The following DTNB variants were observed in gnomAD, a reference collection of about 807,000 sequenced individuals.
DTNB encodes DTN-B.
Under a neutral mutation model 90.7 loss-of-function variants are expected in DTNB, and 63 were observed. That is an observed-to-expected ratio of 0.69 (90% confidence interval 0.57 to 0.86). DTNB has a LOEUF of 0.86. DTNB is among the 40% of genes least tolerant of loss of function. The pLI is 0.00. For missense variants in DTNB, 744 were observed against 807.1 expected (o/e 0.92, Z 0.95); for synonymous variants, 277 against 286.7 (o/e 0.97, Z 0.34).
intron 9 of DTNB, among the ~76,000 whole-genome samples, chr2:25,506,527 C>T (rs1234140428): frequency 6.6e-6 from 1 of 152,060 alleles, no homozygotes; most frequent in East Asian, 1.9e-4. Flanking sequence ...TCCCACCCTC[C>T]ACTCTCCAAC....
chr2:25,429,216 T>C (rs763954901), intron 14 of DTNB, among the ~76,000 whole-genome samples: 6 of 152,246 alleles, frequency 3.9e-5, no homozygotes, highest in Non-Finnish European at 8.8e-5. Context: ...GAAAGGACAA[T>C]ATTTTGAAAA....
intron 7 of DTNB, 113 bp downstream of exon 7, chr2:25,580,608 A>T: frequency 9.7e-7 from 1 of 1,029,270 alleles, no homozygotes; most frequent in Non-Finnish European, 1.5e-6. Flanking sequence ...TGACAGAATG[A>T]CAGCAAATGT....
intron 4 of DTNB, among the ~76,000 whole-genome samples, chr2:25,619,761 G>T (rs1301391160): frequency 6.6e-6 from 1 of 152,158 alleles, no homozygotes; most frequent in African/African-American, 2.4e-5. Context: ...TTGGGTTGAG[G>T]CCGGGTGCAG....
intron 10 of DTNB, among the ~76,000 whole-genome samples, chr2:25,476,812 G>A (rs1364757538): frequency 1.3e-5 from 2 of 152,216 alleles, no homozygotes; most frequent in Admixed American, 1.3e-4. Context: ...TCACTGAAAT[G>A]ACAAGGATTT....
At chr2:25,618,801 T>G (rs936041427) in intron 4 of DTNB, among the ~76,000 whole-genome samples, 8 of 152,176 alleles carry the variant, frequency 5.3e-5, no homozygotes. Flanking sequence ...TTCTCAGCCT[T>G]CTCTGCATGA....
At chr2:25,625,232 T>C (rs776914863) in intron 4 of DTNB, among the ~76,000 whole-genome samples, 5 of 152,208 alleles carry the variant, frequency 3.3e-5, no homozygotes, top group Non-Finnish European at 7.3e-5. Context: ...AGGTTGTCTA[T>C]GTATAAAAGG....
rs143174473 is a variant in DTNB at position 25,608,160 on chromosome 2, T to C, written c.363-839A>G. 4.4e-3 allele frequency among the ~76,000 whole-genome samples: 669 copies of C among 152,350 alleles called. 5 individuals carry two copies. Among genetic ancestry groups the C allele is most frequent in the African/African-American group, 0.015 (611 of 41,578 alleles). On this transcript the variant is annotated intron_variant, in intron 4 of 20. Transcript: ENST00000406818. ...GCTTTTTGTGTTAATTTTTAAAAGCTTGTGTTCACAATGTTTCATTGTAAC... is the reference window on the plus strand; with the variant it reads ...GCTTTTTGTGTTAATTTTTAAAAGCCTGTGTTCACAATGTTTCATTGTAAC...
chr2:25,500,050 T>C (rs2070138464), intron 9 of DTNB, among the ~76,000 whole-genome samples: 1 of 152,100 alleles, frequency 6.6e-6, no homozygotes. Flanking sequence ...TGCACCACCA[T>C]ATCCAGTTAA....
At chr2:25,543,296 T>G (rs1558963590) in intron 8 of DTNB, among the ~76,000 whole-genome samples, 1 of 147,432 alleles carries the variant, frequency 6.8e-6, no homozygotes, top group Non-Finnish European at 1.5e-5. Flanking sequence ...AGACAGGTTT[T>G]TTTTGTTTTG....
intron 8 of DTNB, among the ~76,000 whole-genome samples, chr2:25,565,122 C>A (rs1395803276): frequency 2.6e-5 from 4 of 152,192 alleles, no homozygotes; most frequent in Non-Finnish European, 5.9e-5. Flanking sequence ...AGTACCCTGG[C>A]TAGGACCTTC....
intron 9 of DTNB, among the ~76,000 whole-genome samples, chr2:25,494,084 TG>T (rs1203976837): frequency 6.6e-6 from 1 of 152,192 alleles, no homozygotes; most frequent in Non-Finnish European, 1.5e-5. Flanking sequence ...GGGGAGGTTG[TG>T]GGGGGAAGAC....
chr2:25,403,024 T>TTC (rs2044143109), intron 16 of DTNB, among the ~76,000 whole-genome samples: 1 of 152,224 alleles, frequency 6.6e-6, no homozygotes, highest in African/African-American at 2.4e-5. Context: ...AAGTAAACTT[T>TTC]TAGATAGAGA....
chr2:25,380,652 C>G (rs963625032), intron 19 of DTNB, among the ~76,000 whole-genome samples: 4 of 152,264 alleles, frequency 2.6e-5, no homozygotes, highest in Admixed American at 2.0e-4. Context: ...GAGATGCAGA[C>G]AGGGCAGTGC....
chr2:25,610,417 T>G (rs902178990), intron 4 of DTNB, among the ~76,000 whole-genome samples: 2 of 152,212 alleles, frequency 1.3e-5, no homozygotes, highest in African/African-American at 2.4e-5. Context: ...GTAAGTAATC[T>G]CTCTGGTTTT....
intron 8 of DTNB, among the ~76,000 whole-genome samples, chr2:25,533,718 T>C (rs2078729984): frequency 6.6e-6 from 1 of 152,270 alleles, no homozygotes; most frequent in African/African-American, 2.4e-5. Flanking sequence ...CTCTGTATCT[T>C]GGCATGTGCC....
intron 12 of DTNB, among the ~76,000 whole-genome samples, chr2:25,446,765 T>C (rs1274954829): frequency 6.6e-6 from 1 of 152,238 alleles, no homozygotes; most frequent in Non-Finnish European, 1.5e-5. Flanking sequence ...GATATATTCA[T>C]CTGAGAATGA....
chr2:25,444,100 AT>A (rs922211650), intron 12 of DTNB, among the ~76,000 whole-genome samples: 2 of 151,962 alleles, frequency 1.3e-5, no homozygotes, highest in Non-Finnish European at 2.9e-5. Flanking sequence ...TGAATTTTAA[AT>A]TTTTTTATAA....
chr2:25,594,868 T>C (rs892138120), intron 6 of DTNB: 4 of 152,352 alleles, frequency 2.6e-5, no homozygotes, highest in African/African-American at 9.6e-5. Context: ...GAAGTTAACA[T>C]TCATTGACAT....
At chr2:25,652,532 TAAAA>T in intron 2 of DTNB, 58 bp downstream of exon 2, 44 of 1,271,486 alleles carry the variant, frequency 3.5e-5, no homozygotes, top group Admixed American at 1.0e-4. Flanking sequence ...TGACTTGATC[TAAAA>T]AAAAAAAAAA....
Sources: allele counts gnomAD v4.1 joint callset (sites outside exome capture counted in the v4.1 genomes callset), GRCh38; gene constraint gnomAD v4.1.1; transcripts MANE v1.5; gene names NCBI Gene and HGNC (gene_info 2026-07-23, HGNC 2026-07-21).